Variants in GRID2 observed in about 807,000 individuals in gnomAD.
GRID2 encodes glutamate receptor ionotropic, delta-2.
A neutral mutation model predicts 114.8 loss-of-function variants in GRID2; 33 were observed. The observed-to-expected ratio is 0.29, with a 90% confidence interval of 0.22 to 0.38. GRID2 has a LOEUF of 0.38. Among genes scored for constraint, GRID2 ranks in the 10% least tolerant of loss-of-function variants. The pLI, the probability that GRID2 is intolerant of heterozygous loss-of-function variation, is 1.00. For synonymous variants in GRID2, 505 were observed against 449.9 expected (o/e 1.12, Z -1.55); for missense variants, 1,184 against 1,257.7 (o/e 0.94, Z 0.89).
intron 2 of GRID2, among the ~76,000 whole-genome samples, chr4:92,961,502 T>C (rs548288034): frequency 5.6e-4 from 85 of 151,832 alleles, no homozygotes; most frequent in Admixed American, 1.4e-3. Context: ...TTTCATTTAA[T>C]TCTTTTCTTG....
At chr4:93,352,621 A>G (rs572958226) in intron 8 of GRID2, among the ~76,000 whole-genome samples, 2 of 152,104 alleles carry the variant, frequency 1.3e-5, no homozygotes, top group African/African-American at 4.8e-5. Flanking sequence ...AAAGTCCTAC[A>G]CTCTATTGAA....
intron 13 of GRID2, among the ~76,000 whole-genome samples, chr4:93,529,696 G>A (rs116320486): frequency 0.011 from 1,655 of 152,092 alleles, 26 homozygotes; most frequent in African/African-American, 0.038. Flanking sequence ...TGTGTTGAAT[G>A]TTTCAACACT....
rs187773423 is a variant in GRID2 at position 93,249,686 on chromosome 4, G to A, written c.1245+11196G>A. On this transcript the variant is annotated intron_variant, in intron 8 of 15. Coordinates refer to ENST00000282020, the MANE Select transcript of GRID2 (RefSeq NM_001510.4). ...CAACCCCATCAAAAAGTGGGCAAAG[G>A]ATATGAGCAGACACTGCTCAAAAGA... Among the ~76,000 whole-genome samples, 179 of 151,962 alleles carry A rather than the reference G, an allele frequency of 1.2e-3. 3 individuals carry two copies. Among genetic ancestry groups the A allele is most frequent in the African/African-American group, 4.3e-3 (177 of 41,426 alleles).
intron 1 of GRID2, among the ~76,000 whole-genome samples, chr4:92,522,361 C>T (rs1049712112): frequency 4.0e-5 from 6 of 151,876 alleles, no homozygotes; most frequent in African/African-American, 1.2e-4. Flanking sequence ...GAGAGCAAGA[C>T]GATGCAGGGC....
intron 4 of GRID2, among the ~76,000 whole-genome samples, chr4:93,181,997 A>T (rs1028982395): frequency 4.6e-5 from 7 of 152,196 alleles, no homozygotes; most frequent in Admixed American, 3.3e-4. Context: ...AAAAGGATTT[A>T]ATAAATTTCA....
rs372870805 is a variant in GRID2 at position 93,682,571 on chromosome 4, G to C, written c.2360+56136G>C. Among the ~76,000 whole-genome samples, 40 of 151,914 alleles carry C rather than the reference G, an allele frequency of 2.6e-4. No homozygotes were observed. In the East Asian group the frequency reaches 2.9e-3, roughly 11 times the overall value. ...GATAGACTGGATTAAGAAAATGTGG[G>C]ACATATACACCATGGAATACTATGC... is the stretch of plus-strand genomic sequence containing the variant. On this transcript the variant is annotated intron_variant, in intron 14 of 15. Coordinates refer to ENST00000282020, the MANE Select transcript of GRID2 (RefSeq NM_001510.4).
At chr4:93,148,388 C>T (rs1736442532) in intron 4 of GRID2, among the ~76,000 whole-genome samples, 2 of 151,938 alleles carry the variant, frequency 1.3e-5, no homozygotes, top group Admixed American at 1.3e-4. Flanking sequence ...ATAGCCCATA[C>T]ATAGAAGACA....
intron 8 of GRID2, among the ~76,000 whole-genome samples, chr4:93,292,466 T>C (rs150319306): frequency 4.6e-5 from 7 of 152,314 alleles, no homozygotes; most frequent in South Asian, 2.1e-4. Context: ...CCTTCTGTTA[T>C]TGAGGGAAAA....
Position 92,550,723 on chromosome 4 carries a change from G to C in GRID2, c.89-39408G>C, listed in dbSNP as rs1360504458. Among the ~76,000 whole-genome samples, 5 of 152,116 alleles carry C rather than the reference G, an allele frequency of 3.3e-5. No homozygotes were observed. In the East Asian group the frequency reaches 5.8e-4, roughly 18 times the overall value. ...GAACCTAAAAACAAAACGAAAACAT[G>C]ATGGGTCATAACTATGAGGAAATAA... is the stretch of plus-strand genomic sequence containing the variant. On this transcript the variant is annotated intron_variant, in intron 1 of 15. Coordinates refer to ENST00000282020, the MANE Select transcript of GRID2 (RefSeq NM_001510.4).
intron 4 of GRID2, among the ~76,000 whole-genome samples, chr4:93,129,721 T>C (rs560549375): frequency 6.6e-6 from 1 of 152,328 alleles, no homozygotes; most frequent in Admixed American, 6.5e-5. Context: ...TTTTACCTAT[T>C]CTTTTTTGCA....
chr4:93,226,731 A>T (rs987391335), intron 7 of GRID2, among the ~76,000 whole-genome samples: 7 of 152,066 alleles, frequency 4.6e-5, no homozygotes. Context: ...TTTTTACTCA[A>T]CATTGTCTTA....
chr4:92,305,396 C>T (rs1725325905), intron 1 of GRID2, among the ~76,000 whole-genome samples: 1 of 152,166 alleles, frequency 6.6e-6, no homozygotes, highest in South Asian at 2.1e-4. Context: ...TGTCGCGTGC[C>T]TCGCCTCCTC....
Position 93,084,978 on chromosome 4 carries a change from A to G in GRID2, c.245-17A>G. ...GAAACCCACTGACATTTTGAATATT[A>G]CTGTGCTTTCTTGCAGCCTGTGAAC... On this transcript the variant is annotated splice_polypyrimidine_tract_variant and intron_variant, in intron 2 of 15. Transcript: ENST00000282020. 6.2e-7 allele frequency: 1 copy of G among 1,608,056 alleles called. No individual in the cohort carries two copies.
chr4:93,352,839 C>G (rs763646911), intron 8 of GRID2, among the ~76,000 whole-genome samples: 2 of 151,974 alleles, frequency 1.3e-5, no homozygotes, highest in Non-Finnish European at 2.9e-5. Flanking sequence ...AATGGAGATG[C>G]TTGGACCAAA....
chr4:92,628,951 G>A (rs1001030345), intron 2 of GRID2, among the ~76,000 whole-genome samples: 40 of 151,812 alleles, frequency 2.6e-4, no homozygotes, highest in Non-Finnish European at 8.8e-5. Context: ...GTAATTGTGG[G>A]GTGGCAGGTG....
chr4:92,492,695 G>A, intron 1 of GRID2, among the ~76,000 whole-genome samples: 1 of 152,050 alleles, frequency 6.6e-6, no homozygotes, highest in East Asian at 1.9e-4. Context: ...AAGGCTCCTA[G>A]GAACCAACAG....
chr4:92,572,547 C>T (rs1727681797), intron 1 of GRID2, among the ~76,000 whole-genome samples: 1 of 152,110 alleles, frequency 6.6e-6, no homozygotes, highest in Admixed American at 6.6e-5. Context: ...AGGCCAGCAT[C>T]ATCCTGATAC....
chr4:92,567,794 G>A (rs7682193), intron 1 of GRID2, among the ~76,000 whole-genome samples: 4,558 of 151,936 alleles, frequency 0.03, 214 homozygotes, highest in African/African-American at 0.096. Flanking sequence ...TCATATAATC[G>A]TATTTTATCT....
intron 2 of GRID2, among the ~76,000 whole-genome samples, chr4:92,593,333 A>G (rs927679743): frequency 7.9e-5 from 12 of 151,970 alleles, no homozygotes; most frequent in African/African-American, 2.7e-4. Flanking sequence ...AATCAGCCAC[A>G]TTTAAGAGCT....
Sources: allele counts gnomAD v4.1 joint callset (sites outside exome capture counted in the v4.1 genomes callset), GRCh38; gene constraint gnomAD v4.1.1; transcripts MANE v1.5; gene names NCBI Gene and HGNC (gene_info 2026-07-23, HGNC 2026-07-21).